TAB1: variants seen among roughly 807,000 people sequenced by gnomAD.
The protein encoded by TAB1 is TGF-beta activated kinase 1 (MAP3K7) binding protein 1.
A neutral mutation model predicts 54.5 loss-of-function variants in TAB1; 30 were observed. The observed-to-expected ratio is 0.55, with a 90% CI of 0.41 to 0.75. The LOEUF (loss-of-function observed/expected upper bound fraction) is 0.75. TAB1 is among the 30% of genes least tolerant of loss of function. The pLI is 0.00. For synonymous variants in TAB1, 289 were observed against 286.9 expected (o/e 1.01, Z -0.07); for missense variants, 609 against 683.2 (o/e 0.89, Z 1.21).
intron 7 of TAB1, among the ~76,000 whole-genome samples, chr22:39,420,567 T>C (rs1927025630): frequency 6.6e-6 from 1 of 152,194 alleles, no homozygotes; most frequent in Admixed American, 6.5e-5. Flanking sequence ...GAGTGTCGAA[T>C]ATTTGTCCCT....
Position 39,417,816 on chromosome 22 carries a change from C to A in TAB1, c.517C>A (p.Leu173Ile). 1 of 1,612,560 alleles carries A rather than the reference C, an allele frequency of 6.2e-7. No individual in the cohort carries two copies. The highest frequency in any genetic ancestry group is 8.5e-7 in the Non-Finnish European group (1 of 1,179,254). ...SGGAMAVVAV[L>I]LNNKLYVANV... ...AGGGGCCATGGCCGTTGTGGCGGTCCTTCTCAACAACAAGCTCTACGTCGC... is the reference window on the plus strand; with the variant it reads ...AGGGGCCATGGCCGTTGTGGCGGTCATTCTCAACAACAAGCTCTACGTCGC... Residue 173 changes from leucine to isoleucine, a missense_variant, in exon 5 of 11, where the codon CTT becomes ATT. Coordinates refer to ENST00000216160, the MANE Select transcript of TAB1 (RefSeq NM_006116.3).
At chr22:39,402,332 A>C (rs1926183305) in intron 1 of TAB1, among the ~76,000 whole-genome samples, 1 of 151,962 alleles carries the variant, frequency 6.6e-6, no homozygotes, top group Non-Finnish European at 1.5e-5. Context: ...AGGTGTTTAA[A>C]TATGTGTGCA....
In TAB1 at chr22:39,401,555, C is replaced by T. The variant is rs969779807; in HGVS notation, c.33+1720C>T. ...TGGCTTGCTGAGAAGAGAGCAGCCA[C>T]CTGGGTCATGTAGAGTAGGTGGCTG... On this transcript the variant is annotated intron_variant, in intron 1 of 10. Coordinates refer to ENST00000216160, the MANE Select transcript of TAB1 (RefSeq NM_006116.3). Among the ~76,000 whole-genome samples the T allele has an allele frequency of 6.6e-5, 10 of 152,108 alleles. 1 individual carries two copies. Among genetic ancestry groups the T allele is most frequent in the Admixed American group, 5.9e-4 (9 of 15,256 alleles).
At chr22:39,422,978 CT>C (rs556909738) in intron 8 of TAB1, among the ~76,000 whole-genome samples, 485 of 136,456 alleles carry the variant, frequency 3.6e-3, no homozygotes, top group Middle Eastern at 0.022. Context: ...TCTGCTTTGA[CT>C]TTTTTTTTTT....
In TAB1 at chr22:39,418,759, C is replaced by A; in HGVS notation, c.578C>A (p.Ser193Ter). The change falls in exon 6 of 11, where the codon TCG becomes TAG. Residue 193 changes from serine to a stop codon, truncating the protein, a stop_gained. Coordinates refer to ENST00000216160, the MANE Select transcript of TAB1 (RefSeq NM_006116.3). LOFTEE classifies it high-confidence loss of function. Reference sequence around the variant, plus strand: ...ACAAACCGTGCACTTTTATGCAAATCGACAGTGGATGGGTTGCAGGTGACA... The same window carrying A: ...ACAAACCGTGCACTTTTATGCAAATAGACAGTGGATGGGTTGCAGGTGACA... ...VGTNRALLCK[S>*]TVDGLQVTQL... is the part of the protein sequence containing the mutation. The A allele has an allele frequency of 1.2e-6, 2 of 1,614,068 alleles. No individual in the cohort carries two copies. Among genetic ancestry groups the A allele is most frequent in the Non-Finnish European group, 1.7e-6 (2 of 1,179,944 alleles).
At chr22:39,427,207 A>T (rs755339242) in intron 9 of TAB1, among the ~76,000 whole-genome samples, 42 of 152,208 alleles carry the variant, frequency 2.8e-4, no homozygotes, top group Admixed American at 3.9e-4. Flanking sequence ...AATAGAGATG[A>T]TGGCCACCAC....
chr22:39,420,928 T>C (rs192666931), intron 7 of TAB1, among the ~76,000 whole-genome samples: 4 of 82,092 alleles, frequency 4.9e-5, no homozygotes, highest in Admixed American at 1.2e-4. Flanking sequence ...GTGTGTGTGT[T>C]TGTCCTGGGG....
At position 39,416,820 on chromosome 22, in the gene TAB1, G is replaced by A. The variant is rs765876191; in HGVS notation, c.354G>A (p.Leu118=). The A allele has an allele frequency of 2.5e-6, 4 of 1,614,234 alleles. No homozygotes were observed. The highest frequency in any genetic ancestry group is 2.2e-5 in the South Asian group (2 of 91,082). ...QAFDVVERSF[L]ESIDDALAEK... is the part of the protein sequence containing the mutation. ...TCGATGTGGTGGAGAGGAGCTTCCT[G>A]GAGTCCATTGACGACGCCTTGGCTG... Residue 118 remains leucine (L), a synonymous_variant, in exon 4 of 11, where the codon CTG becomes CTA. Transcript: ENST00000216160.
chr22:39,435,106 C>T (rs1034982801), downstream of TAB1, among the ~76,000 whole-genome samples: 1 of 152,252 alleles, frequency 6.6e-6, no homozygotes, highest in East Asian at 1.9e-4. Context: ...TATGTCATCG[C>T]CCTGCAGAAA....
intron 8 of TAB1, among the ~76,000 whole-genome samples, chr22:39,425,313 A>G (rs937851940): frequency 2.6e-5 from 4 of 151,680 alleles, no homozygotes; most frequent in Admixed American, 1.3e-4. Context: ...AACCTGGGAG[A>G]TGGAACTTGC....
chr22:39,433,887 GC>G, downstream of TAB1: 1 of 821,704 alleles, frequency 1.2e-6, no homozygotes, highest in Non-Finnish European at 1.4e-6. Context: ...CCACCCCACC[GC>G]CCCCTGCCCG....
Position 39,418,817 on chromosome 22 carries a change from G to T in TAB1, c.636G>T (p.Glu212Asp). The change falls in exon 6 of 11, where the codon GAG becomes GAT. Residue 212 changes from glutamate (E) to aspartate (D), a missense_variant. Transcript: ENST00000216160. ...QLNVDHTTEN[E>D]DELFRLSQLG... is the part of the protein sequence containing the mutation. ...ACGTGGACCACACCACAGAGAACGAGGATGAGCTCTTCCGTCTTTCGCAGC... is the reference window on the plus strand; with the variant it reads ...ACGTGGACCACACCACAGAGAACGATGATGAGCTCTTCCGTCTTTCGCAGC... 6.2e-7 allele frequency: 1 copy of T among 1,614,182 alleles called. No individual in the cohort carries two copies. Among genetic ancestry groups the T allele is most frequent in the Non-Finnish European group, 8.5e-7 (1 of 1,180,000 alleles).
chr22:39,403,699 C>T (rs569165075), intron 1 of TAB1, among the ~76,000 whole-genome samples: 93 of 145,860 alleles, frequency 6.4e-4, no homozygotes, highest in Middle Eastern at 7.6e-3. Context: ...AGTGCAGTGG[C>T]GCAATCTCAG....
intron 1 of TAB1, among the ~76,000 whole-genome samples, chr22:39,410,322 A>G (rs1415287038): frequency 1.3e-5 from 2 of 152,112 alleles, no homozygotes; most frequent in Admixed American, 6.6e-5. Flanking sequence ...TGCCCAGGCT[A>G]GTCTCAAACT....
intron 7 of TAB1, among the ~76,000 whole-genome samples, chr22:39,419,989 G>A (rs1216594693): frequency 6.6e-6 from 1 of 152,154 alleles, no homozygotes; most frequent in Admixed American, 6.5e-5. Flanking sequence ...AAAGCTGAGG[G>A]CAGCAACTAG....
At chr22:39,402,475 G>A (rs537687948) in intron 1 of TAB1, among the ~76,000 whole-genome samples, 1 of 152,288 alleles carries the variant, frequency 6.6e-6, no homozygotes, top group African/African-American at 2.4e-5. Context: ...GGTATGCTGG[G>A]GCCACTTGGT....
intron 1 of TAB1, among the ~76,000 whole-genome samples, chr22:39,408,566 G>A (rs1416880367): frequency 1.3e-5 from 2 of 152,054 alleles, no homozygotes; most frequent in Admixed American, 1.3e-4. Flanking sequence ...TGGCGTGTGC[G>A]ATCTCGGCTC....
At position 39,430,727 on chromosome 22, in the gene TAB1, A is replaced by C. The variant is rs1927554560; in HGVS notation, c.*505A>C. ...GAGTGGAACCCAGGCTGGTGTCCGC[A>C]TCTGTCCCTGGGCCCCACCCCTGGA... On this transcript the variant is annotated 3_prime_UTR_variant, in exon 11 of 11. Transcript: ENST00000216160. 2.0e-6 allele frequency: 2 copies of C among 1,023,668 alleles called. No homozygotes were observed. The highest frequency in any genetic ancestry group is 1.7e-5 in the African/African-American group (1 of 59,658). The allele number at this position is 1,023,668 out of a possible 1,614,324, so 63.4% of individuals were successfully genotyped here.
rs748178544 is a variant in TAB1, at chr22:39,430,020, G to C, written c.1313G>C (p.Ser438Thr). Residue 438 changes from serine (S) to threonine (T), a missense_variant, in exon 11 of 11, where the codon AGC becomes ACC. Transcript: ENST00000216160. ...CCTCCCCTGTTGTCCTGCAGCCAAA[G>C]CCCGACCTTAACCCTGCAGTCCACC... Reference protein sequence around the residue: ...DEATPTLTNQSPTLTLQSTNT... With the variant: ...DEATPTLTNQTPTLTLQSTNT... 1 of 1,613,038 alleles carries C rather than the reference G, an allele frequency of 6.2e-7. No homozygotes were observed. Among genetic ancestry groups the C allele is most frequent in the Non-Finnish European group, 8.5e-7 (1 of 1,179,996 alleles).
Sources: gnomAD v4.1 joint callset for allele counts (sites outside exome capture counted in the v4.1 genomes callset) on GRCh38, gnomAD v4.1.1 for gene constraint, MANE v1.5 for transcripts, NCBI Gene and HGNC (gene_info 2026-07-23, HGNC 2026-07-21) for gene names.